The following SNRPN variants were observed in gnomAD, a reference collection of about 807,000 sequenced individuals.
The protein encoded by SNRPN is small nuclear ribonucleoprotein polypeptide N.
A neutral mutation model predicts 25.2 loss-of-function variants in SNRPN; 7 were observed. That is an observed-to-expected ratio of 0.28 (90% CI 0.16 to 0.52). The LOEUF is 0.52. Among genes scored for constraint, SNRPN ranks in the 20% least tolerant of loss-of-function variants. The probability of loss-of-function intolerance (pLI) is 0.96; values close to 1 mark genes in which losing one functional copy is unlikely to be tolerated. For synonymous variants in SNRPN, 124 were observed against 110.6 expected (o/e 1.12, Z -0.76); for missense variants, 196 against 322.5 (o/e 0.61, Z 3.00).
rs1851018984 is a variant in SNRPN at position 24,954,988 on chromosome 15, C to G, written c.-465C>G. The G allele has an allele frequency of 1.9e-6, 3 of 1,608,748 alleles. No individual in the cohort carries two copies. In the Admixed American group the frequency reaches 5.0e-5, roughly 27 times the overall value. On this transcript the variant is annotated 5_prime_UTR_variant, in exon 1 of 10. Coordinates refer to ENST00000390687, the MANE Select transcript of SNRPN (RefSeq NM_003097.6). ...TGCCGCTGCTGCAGCGAGTCTGGCGCAGAGTGGAGCGGCCGCCGGAGATGC... is the reference window on the plus strand; with the variant it reads ...TGCCGCTGCTGCAGCGAGTCTGGCGGAGAGTGGAGCGGCCGCCGGAGATGC...
intron 2 of SNRPN, among the ~76,000 whole-genome samples, chr15:24,894,254 T>A (rs1385881216): frequency 2.0e-5 from 3 of 151,316 alleles, no homozygotes; most frequent in Non-Finnish European, 4.4e-5. Flanking sequence ...AGTCTCGCTC[T>A]GTCGCCCAGG....
intron 3 of SNRPN, among the ~76,000 whole-genome samples, chr15:24,948,824 A>G (rs936209831): frequency 6.6e-6 from 1 of 151,870 alleles, no homozygotes; most frequent in Non-Finnish European, 1.5e-5. Flanking sequence ...TTTTGAGTAT[A>G]TTCACAACGT....
At chr15:24,902,770 T>C (rs1049774825) in intron 2 of SNRPN, among the ~76,000 whole-genome samples, 3 of 152,322 alleles carry the variant, frequency 2.0e-5, no homozygotes, top group Non-Finnish European at 4.4e-5. Flanking sequence ...GGAGTGAAGC[T>C]GCAGACCTTT....
chr15:24,914,604 G>A (rs2059409498), intron 2 of SNRPN, among the ~76,000 whole-genome samples: 1 of 152,062 alleles, frequency 6.6e-6, no homozygotes, highest in Non-Finnish European at 1.5e-5. Flanking sequence ...AGCTTCAGTG[G>A]ACACTTGTCC....
At chr15:24,866,731 A>T (rs767673374) in intron 1 of SNRPN, among the ~76,000 whole-genome samples, 1 of 152,150 alleles carries the variant, frequency 6.6e-6, no homozygotes, top group Non-Finnish European at 1.5e-5. Context: ...ACCGTTCTAC[A>T]TCCCCACTTG....
chr15:24,846,504 G>T (rs1490021263), intron 2 of SNRPN, among the ~76,000 whole-genome samples: 1 of 152,164 alleles, frequency 6.6e-6, no homozygotes, highest in Non-Finnish European at 1.5e-5. Flanking sequence ...TAGGGAATGT[G>T]CATTATTCTG....
chr15:24,879,926 A>T (rs1246575746), intron 1 of SNRPN, among the ~76,000 whole-genome samples: 2 of 152,132 alleles, frequency 1.3e-5, no homozygotes, highest in African/African-American at 4.8e-5. Flanking sequence ...TGAGATTCAC[A>T]CTTGGGCTGT....
chr15:24,855,486 G>A (rs746462639), upstream of SNRPN, among the ~76,000 whole-genome samples: 3 of 152,022 alleles, frequency 2.0e-5, no homozygotes, highest in East Asian at 1.9e-4. Flanking sequence ...TTCTAGGACC[G>A]GATTAAGAAA....
At chr15:24,918,625 T>C (rs189055823) in intron 2 of SNRPN, among the ~76,000 whole-genome samples, 1,200 of 61,030 alleles carry the variant, frequency 0.02, 120 homozygotes, top group Middle Eastern at 0.03. Context: ...TATATGTGTG[T>C]ATATATAACA....
intron 1 of SNRPN, among the ~76,000 whole-genome samples, chr15:24,882,795 G>A (rs1364656136): frequency 7.9e-6 from 1 of 126,600 alleles, no homozygotes; most frequent in East Asian, 2.7e-4. Flanking sequence ...CTGCACTCCA[G>A]CTTGGGCGAC....
rs61093263 is a variant in SNRPN, at chr15:24,844,367, A to G, written c.-579+14462A>G. ...TTCAAAAAATGTTTATTGTTGTATTATTAAATTTAACTATGTATATGTATA... is the reference window on the plus strand; with the variant it reads ...TTCAAAAAATGTTTATTGTTGTATTGTTAAATTTAACTATGTATATGTATA... On this transcript the variant is annotated intron_variant, in intron 2 of 12. Coordinates refer to the SNRPN transcript ENST00000400100. Among the ~76,000 whole-genome samples the G allele has an allele frequency of 3.5e-3, 537 of 152,266 alleles. 21 individuals carry two copies. The East Asian group carries it at 0.081, about 23-fold the overall frequency.
At chr15:24,862,311 G>C (rs564457449) in intron 1 of SNRPN, among the ~76,000 whole-genome samples, 1 of 151,116 alleles carries the variant, frequency 6.6e-6, no homozygotes, top group East Asian at 2.0e-4. Flanking sequence ...GGACAGATGA[G>C]GTAGAAGCAG....
chr15:24,919,427 T>A, intron 2 of SNRPN, among the ~76,000 whole-genome samples: 1 of 89,618 alleles, frequency 1.1e-5, no homozygotes, highest in Non-Finnish European at 2.4e-5. Flanking sequence ...CGAGACTCTG[T>A]CTCAAAAAAA....
chr15:24,889,458 A>G (rs909284818), intron 2 of SNRPN, among the ~76,000 whole-genome samples: 7 of 150,768 alleles, frequency 4.6e-5, no homozygotes, highest in Non-Finnish European at 7.4e-5. Flanking sequence ...GCCTGCCACC[A>G]CGCCCAGCTA....
intron 1 of SNRPN, among the ~76,000 whole-genome samples, chr15:24,874,176 G>A (rs150027333): frequency 0.039 from 5,928 of 151,834 alleles, 190 homozygotes; most frequent in Non-Finnish European, 0.055. Flanking sequence ...CGGGCGTGGT[G>A]GCAGGCGCCT....
At chr15:24,823,789 A>G (rs1290891752) in exon 1 of SNRPN, 1 of 152,182 alleles carries the variant, frequency 6.6e-6, no homozygotes, top group Non-Finnish European at 1.5e-5. Context: ...TTTTCTCTAC[A>G]GTAACTGTGG....
intron 4 of SNRPN, 163 bp downstream of exon 4, chr15:24,974,619 T>A: frequency 1.4e-6 from 1 of 738,034 alleles, no homozygotes; most frequent in Non-Finnish European, 2.4e-6. Context: ...ATGAGCTGAT[T>A]TTTTTATTTT....
intron 3 of SNRPN, among the ~76,000 whole-genome samples, chr15:24,941,542 T>A (rs1270631766): frequency 6.6e-6 from 1 of 152,180 alleles, no homozygotes; most frequent in Non-Finnish European, 1.5e-5. Flanking sequence ...CTGAATTTCG[T>A]TGTTAGAGTT....
At chr15:24,922,191 C>T (rs537707457) in intron 3 of SNRPN, among the ~76,000 whole-genome samples, 31 of 151,994 alleles carry the variant, frequency 2.0e-4, no homozygotes, top group Middle Eastern at 3.4e-3. Context: ...CTAGCATGGG[C>T]GACAAAAGCA....
Sources: allele counts gnomAD v4.1 joint callset (sites outside exome capture counted in the v4.1 genomes callset), GRCh38; gene constraint gnomAD v4.1.1; transcripts MANE v1.5; gene names NCBI Gene and HGNC (gene_info 2026-07-23, HGNC 2026-07-21).